LRRC37A2: variants seen among roughly 807,000 people sequenced by gnomAD.
The protein encoded by LRRC37A2 is leucine rich repeat containing 37 member A2, also known as leucine-rich repeat-containing protein 37A2.
Under a neutral mutation model 68.8 loss-of-function variants are expected in LRRC37A2, and 9 were observed. That is an observed-to-expected ratio of 0.13 (90% CI 0.08 to 0.23). The LOEUF (loss-of-function observed/expected upper bound fraction) is 0.23, where lower values mean the gene tolerates loss of function less well. LRRC37A2 is among the 10% of genes least tolerant of loss of function. The probability of loss-of-function intolerance (pLI) is 1.00; values close to 1 mark genes in which losing one functional copy is unlikely to be tolerated. For synonymous variants in LRRC37A2, 63 were observed against 367.6 expected (o/e 0.17, Z 9.48); for missense variants, 168 against 950.4 (o/e 0.18, Z 10.82).
At chr17:46,836,469 T>C in the LRRC37A2 span, among the ~76,000 whole-genome samples, 9 of 152,122 alleles carry the variant, frequency 5.9e-5, no homozygotes, top group African/African-American at 1.4e-4. Context: ...ACTTTGAATA[T>C]CTTTGTGTTT....
At chr17:46,833,087 G>T in the LRRC37A2 span, 3 of 355,486 alleles carry the variant, frequency 8.4e-6, no homozygotes, top group Non-Finnish European at 1.7e-5. Context: ...ACACAGCCAG[G>T]AAAGAGCAAA....
At chr17:46,714,054 G>C in the LRRC37A2 span, 4 of 1,480,422 alleles carry the variant, frequency 2.7e-6, no homozygotes, top group Non-Finnish European at 9.0e-7. Context: ...ACATATATAT[G>C]CCTTTGTACA....
chr17:46,769,718 G>C, the LRRC37A2 span: 1 of 1,591,408 alleles, frequency 6.3e-7, no homozygotes, highest in East Asian at 2.2e-5. Flanking sequence ...TGGGGGCCAG[G>C]GCAGCTCCGG....
At chr17:46,842,590 C>T in the LRRC37A2 span, among the ~76,000 whole-genome samples, 1 of 152,130 alleles carries the variant, frequency 6.6e-6, no homozygotes, top group East Asian at 1.9e-4. Flanking sequence ...CAGAGCTGGT[C>T]TCGAACTCCT....
chr17:46,731,969 A>G, the LRRC37A2 span, among the ~76,000 whole-genome samples: 3 of 152,344 alleles, frequency 2.0e-5, no homozygotes, highest in African/African-American at 7.2e-5. Context: ...AGGCTGATCC[A>G]AGTGTTAAGA....
chr17:47,004,821 C>G, the LRRC37A2 span, among the ~76,000 whole-genome samples: 3 of 152,230 alleles, frequency 2.0e-5, no homozygotes, highest in African/African-American at 7.2e-5. Context: ...TGAGCCACTG[C>G]ACCTGGCCCA....
the LRRC37A2 span, among the ~76,000 whole-genome samples, chr17:46,944,594 C>G: frequency 6.8e-6 from 1 of 147,522 alleles, no homozygotes; most frequent in African/African-American, 2.5e-5. Context: ...GCCTGGGCTT[C>G]AGAATTTTTA....
chr17:46,749,810 A>G, the LRRC37A2 span: 1 of 1,614,068 alleles, frequency 6.2e-7, no homozygotes, highest in Middle Eastern at 1.6e-4. Flanking sequence ...ACTAGCCGCA[A>G]AGATGTCCTT....
the LRRC37A2 span, among the ~76,000 whole-genome samples, chr17:47,032,864 T>C: frequency 2.6e-5 from 4 of 152,184 alleles, no homozygotes; most frequent in Admixed American, 1.3e-4. Flanking sequence ...CCTTGCTTCT[T>C]CTGTTGTTCC....
At chr17:46,940,955 C>A in the LRRC37A2 span, 1,155 of 1,242,578 alleles carry the variant, frequency 9.3e-4, 23 homozygotes, top group South Asian at 0.017. Context: ...GTGACTCTCT[C>A]CACCGCCTCA....
At chr17:46,880,509 C>T in the LRRC37A2 span, among the ~76,000 whole-genome samples, 3 of 152,222 alleles carry the variant, frequency 2.0e-5, no homozygotes, top group Non-Finnish European at 4.4e-5. Context: ...GGCTGACATC[C>T]TAGTGGGTGA....
the LRRC37A2 span, among the ~76,000 whole-genome samples, chr17:46,996,558 G>A: frequency 6.6e-6 from 1 of 152,246 alleles, no homozygotes; most frequent in African/African-American, 2.4e-5. Context: ...CTGACTTCCT[G>A]TGAAGGTAGG....
chr17:46,872,551 G>A, the LRRC37A2 span: 1 of 1,580,614 alleles, frequency 6.3e-7, no homozygotes, highest in South Asian at 1.2e-5. Context: ...GCCCTTCCCA[G>A]GATTGGGCAC....
At chr17:46,844,215 CCAGAATGCTAGGATTATAGGCATG>C in the LRRC37A2 span, among the ~76,000 whole-genome samples, 1 of 152,142 alleles carries the variant, frequency 6.6e-6, no homozygotes, top group South Asian at 2.1e-4. Flanking sequence ...CCTCAGTCTC[CCAGAATGCTAGGATTATAGGCATG>C]AGCCACTGTA....
the LRRC37A2 span, among the ~76,000 whole-genome samples, chr17:46,790,467 G>T: frequency 6.6e-6 from 1 of 151,980 alleles, no homozygotes; most frequent in Non-Finnish European, 1.5e-5. Flanking sequence ...CTCCCTCAAG[G>T]TTGAGAAGCA....
At chr17:46,818,019 G>A in the LRRC37A2 span, among the ~76,000 whole-genome samples, 3 of 152,070 alleles carry the variant, frequency 2.0e-5, no homozygotes, top group Non-Finnish European at 4.4e-5. Context: ...GAAGCCTTTG[G>A]GGTCTGAAAT....
chr17:46,818,486 C>G, the LRRC37A2 span: 2 of 1,580,944 alleles, frequency 1.3e-6, no homozygotes, highest in South Asian at 1.2e-5. Context: ...GCGGAGAAAC[C>G]GGGCCGCGGG....
the LRRC37A2 span, among the ~76,000 whole-genome samples, chr17:46,915,877 T>C: frequency 1.1e-3 from 162 of 152,334 alleles, no homozygotes; most frequent in African/African-American, 3.7e-3. Flanking sequence ...ACTAGAATGG[T>C]ACTGATTGGC....
chr17:46,488,533 C>T, the LRRC37A2 span, among the ~76,000 whole-genome samples: 4 of 69,262 alleles, frequency 5.8e-5, no homozygotes. Flanking sequence ...GGTGAAACCC[C>T]ATCTCTACTA....
Sources: allele counts gnomAD v4.1 joint callset (sites outside exome capture counted in the v4.1 genomes callset), GRCh38; gene constraint gnomAD v4.1.1; transcripts MANE v1.5; gene names NCBI Gene and HGNC (gene_info 2026-07-23, HGNC 2026-07-21).